PPFIA1: variants seen among roughly 807,000 people sequenced by gnomAD.
PPFIA1 encodes the protein PPFI scaffold protein A1.
PPFIA1 carries 25 observed loss-of-function variants against 149.9 expected under a neutral mutation model. The observed-to-expected ratio is 0.17, with a 90% confidence interval of 0.12 to 0.23. PPFIA1 has a LOEUF of 0.23. PPFIA1 is among the 10% of genes least tolerant of loss of function. The probability of loss-of-function intolerance (pLI) is 1.00; values close to 1 mark genes in which losing one functional copy is unlikely to be tolerated. For synonymous variants in PPFIA1, 549 were observed against 552.8 expected (o/e 0.99, Z 0.10); for missense variants, 1,362 against 1,506.5 (o/e 0.90, Z 1.59).
chr11:70,339,290 G>A lies in PPFIA1; in HGVS notation c.1691G>A (p.Arg564Gln), dbSNP rs142223113. The change falls in exon 14 of 28, where the codon CGA becomes CAA. Residue 564 changes from arginine (R) to glutamine (Q), a missense_variant. Physicochemically the swap from Arg to Gln is conservative, Grantham distance 43. Coordinates refer to ENST00000253925, the MANE Select transcript of PPFIA1 (RefSeq NM_003626.5). ...RPQKGRLAAL[R>Q]DEPSKVQTLN... ...CAGAAAGGCCGGCTGGCAGCCCTGC[G>A]AGATGAGCCTTCCAAGGCAAGGTCT... 66 of 1,613,752 alleles carry A rather than the reference G, an allele frequency of 4.1e-5. No homozygotes were observed. The highest frequency in any genetic ancestry group is 4.0e-4 in the African/African-American group (30 of 75,032).
At chr11:70,372,661 C>T in intron 23 of PPFIA1, 87 bp downstream of exon 23, 1 of 1,093,786 alleles carries the variant, frequency 9.1e-7, no homozygotes, top group African/African-American at 1.6e-5. Context: ...TTCAAAAAAT[C>T]AAGAAAGGCT....
chr11:70,303,220 C>T (rs545694222), intron 2 of PPFIA1, among the ~76,000 whole-genome samples: 101 of 152,222 alleles, frequency 6.6e-4, no homozygotes, highest in African/African-American at 2.2e-3. Context: ...GCAGCCCTAC[C>T]GCGTGTTCGA....
In PPFIA1 at chr11:70,354,321, G is replaced by GGTA; in HGVS notation, c.2185_2187dup (p.Val729dup). 1 of 1,613,804 alleles carries GGTA rather than the reference G, an allele frequency of 6.2e-7. No individual in the cohort carries two copies. Among genetic ancestry groups the GGTA allele is most frequent in the Non-Finnish European group, 8.5e-7 (1 of 1,179,898 alleles). ...CTCAGTTGCCACCTTCCAGAGAAGA[G>GGTA]GTACGAGATGACAAGACAACCATAA... On this transcript the variant is annotated inframe_insertion, in exon 17 of 28. Coordinates refer to ENST00000253925, the MANE Select transcript of PPFIA1 (RefSeq NM_003626.5).
intron 8 of PPFIA1, among the ~76,000 whole-genome samples, chr11:70,331,710 G>A (rs367643996): frequency 6.6e-6 from 1 of 151,670 alleles, no homozygotes; most frequent in Admixed American, 6.6e-5. Context: ...AACTCAGGAG[G>A]TGGAGGTTGC....
Position 70,324,963 on chromosome 11 carries a change from G to A in PPFIA1, c.483G>A (p.Leu161=), listed in dbSNP as rs773179632. The A allele has an allele frequency of 6.2e-7, 1 of 1,613,766 alleles. No individual in the cohort carries two copies. Among genetic ancestry groups the A allele is most frequent in the Non-Finnish European group, 8.5e-7 (1 of 1,179,916 alleles). Residue 161 remains leucine, a synonymous_variant, in exon 4 of 28, where the codon CTG becomes CTA. Coordinates refer to ENST00000253925, the MANE Select transcript of PPFIA1 (RefSeq NM_003626.5). ...PAGVSSEVEV[L]KALKSLFEHH... ...GCGTGTCCAGCGAAGTGGAAGTGCT[G>A]AAAGCACTGAAGTCCTTATTTGAAC...
intron 2 of PPFIA1, among the ~76,000 whole-genome samples, chr11:70,285,551 G>A (rs1039572065): frequency 4.0e-5 from 6 of 151,618 alleles, no homozygotes; most frequent in East Asian, 2.0e-4. Context: ...GTGGTGGTGC[G>A]CAGCTGTAAT....
chr11:70,368,013 C>A (rs924675839), intron 21 of PPFIA1, among the ~76,000 whole-genome samples: 2 of 152,124 alleles, frequency 1.3e-5, no homozygotes, highest in East Asian at 1.9e-4. Flanking sequence ...TGGCTTGAGA[C>A]TGTAGTCCCA....
chr11:70,275,107 T>C (rs898982647), intron 2 of PPFIA1, among the ~76,000 whole-genome samples: 1 of 152,182 alleles, frequency 6.6e-6, no homozygotes, highest in Non-Finnish European at 1.5e-5. Flanking sequence ...CACTTGGTAT[T>C]GTTGGGTCTT....
rs1203330600 is a variant in PPFIA1 at position 70,326,827 on chromosome 11, T to A, written c.930+9T>A. 6.2e-7 allele frequency: 1 copy of A among 1,600,978 alleles called. No individual in the cohort carries two copies. Among genetic ancestry groups the A allele is most frequent in the Non-Finnish European group, 8.6e-7 (1 of 1,168,920 alleles). The stretch of plus-strand genomic sequence containing the variant: ...AACGAGATGTCCGTGAAGTGAGCAA[T>A]AACAAAAACTACAGTCTTGTCATGA... On this transcript the variant is annotated intron_variant, in intron 7 of 27. Transcript: ENST00000253925.
In PPFIA1 at chr11:70,372,324, G is replaced by A; in HGVS notation, c.2975G>A (p.Arg992Lys). 1 of 1,614,238 alleles carries A rather than the reference G, an allele frequency of 6.2e-7. No individual in the cohort carries two copies. The stretch of plus-strand genomic sequence containing the variant: ...TTCATGGAGTGCCTTGTAGACGCCA[G>A]GATGCTGGACCACTTGACCAAGAAA... ...SYFMECLVDA[R>K]MLDHLTKKDL... Residue 992 changes from arginine (R) to lysine (K), a missense_variant, in exon 22 of 28, where the codon AGG becomes AAG. Physicochemically the swap from Arg to Lys is conservative, Grantham distance 26. Around this residue, in one of 7 missense-constraint regions of PPFIA1, gnomAD observed 349 missense variants for 373.3 expected, o/e 0.93. Transcript: ENST00000253925.
At chr11:70,355,173 G>A (rs1044367871) in intron 17 of PPFIA1, among the ~76,000 whole-genome samples, 1 of 152,166 alleles carries the variant, frequency 6.6e-6, no homozygotes, top group African/African-American at 2.4e-5. Flanking sequence ...AAAATGCTGG[G>A]ATTACAGGCG....
chr11:70,272,233 G>A lies in PPFIA1; in HGVS notation c.61G>A (p.Gly21Ser). ...AGAAGGCCCCCCTGGAGGAGGTGGA[G>A]GCCATGGTTCCGGCTCCCCTTCACA... is the stretch of plus-strand genomic sequence containing the variant. ...EAEGPPGGGG[G>S]HGSGSPSQPD... Residue 21 changes from glycine (G) to serine (S), a missense_variant, in exon 2 of 28, where the codon GGC becomes AGC. Physicochemically the swap from Gly to Ser is moderately conservative, Grantham distance 56 (BLOSUM62 0). Coordinates refer to ENST00000253925, the MANE Select transcript of PPFIA1 (RefSeq NM_003626.5). 1 of 1,614,134 alleles carries A rather than the reference G, an allele frequency of 6.2e-7. No homozygotes were observed. The highest frequency in any genetic ancestry group is 8.5e-7 in the Non-Finnish European group (1 of 1,179,990).
intron 9 of PPFIA1, chr11:70,333,131 C>T: frequency 2.1e-6 from 1 of 479,094 alleles, no homozygotes; most frequent in Non-Finnish European, 4.1e-6. Flanking sequence ...CTTGTGCTTG[C>T]CGCTGCTTTC....
At chr11:70,290,886 C>G (rs1369893758) in intron 2 of PPFIA1, among the ~76,000 whole-genome samples, 6 of 152,134 alleles carry the variant, frequency 3.9e-5, no homozygotes, top group African/African-American at 7.2e-5. Flanking sequence ...CGATTGATCT[C>G]TTGAAATCTC....
intron 26 of PPFIA1, chr11:70,378,564 A>C: frequency 3.4e-6 from 2 of 582,292 alleles, no homozygotes; most frequent in Non-Finnish European, 4.4e-6. Context: ...TCCAAACCAC[A>C]TAATTTACTG....
intron 2 of PPFIA1, among the ~76,000 whole-genome samples, chr11:70,308,088 G>T (rs2052988723): frequency 6.6e-6 from 1 of 152,204 alleles, no homozygotes; most frequent in African/African-American, 2.4e-5. Context: ...TGCTCTTGTT[G>T]CCTAGGCTGG....
chr11:70,309,699 A>G (rs2053130053), intron 2 of PPFIA1, among the ~76,000 whole-genome samples: 1 of 152,180 alleles, frequency 6.6e-6, no homozygotes, highest in South Asian at 2.1e-4. Context: ...ATATGCTACA[A>G]CATGTCCGAC....
chr11:70,319,663 A>G (rs937703322), intron 2 of PPFIA1, among the ~76,000 whole-genome samples: 1 of 152,204 alleles, frequency 6.6e-6, no homozygotes, highest in African/African-American at 2.4e-5. Flanking sequence ...CAGAGTCCTC[A>G]AAGCCTGTAG....
At chr11:70,333,659 T>A in intron 10 of PPFIA1, 106 bp downstream of exon 10, 3 of 860,724 alleles carry the variant, frequency 3.5e-6, no homozygotes, top group Non-Finnish European at 5.8e-6. Context: ...ATGTTGGTCC[T>A]CCAGCTCAGT....
Sources: allele counts gnomAD v4.1 joint callset (sites outside exome capture counted in the v4.1 genomes callset), GRCh38; gene constraint gnomAD v4.1.1; regional missense constraint gnomAD v4.1.1; transcripts MANE v1.5; gene names NCBI Gene and HGNC (gene_info 2026-07-23, HGNC 2026-07-21).